TBC1D32: variants seen among roughly 807,000 people sequenced by gnomAD.
TBC1D32 encodes the protein protein broad-minded.
TBC1D32 carries 151 observed loss-of-function variants against 170.3 expected under a neutral mutation model. That is an observed-to-expected ratio of 0.89 (90% CI 0.78 to 1.01). The LOEUF (loss-of-function observed/expected upper bound fraction) is 1.01, where lower values mean the gene tolerates loss of function less well. TBC1D32 is among the 50% of genes least tolerant of loss of function. The pLI, the probability that TBC1D32 is intolerant of heterozygous loss-of-function variation, is 0.00. For missense variants in TBC1D32, 1,464 were observed against 1,457.1 expected (o/e 1.00, Z -0.08); for synonymous variants, 498 against 488.0 (o/e 1.02, Z -0.27).
At chr6:121,138,822 A>C (rs1246481370) in intron 24 of TBC1D32, among the ~76,000 whole-genome samples, 3 of 151,992 alleles carry the variant, frequency 2.0e-5, no homozygotes, top group African/African-American at 7.2e-5. Flanking sequence ...GTTATATTAC[A>C]CTTCATATAG....
intron 23 of TBC1D32, 77 bp from the exon 24 acceptor site, chr6:121,160,180 G>C: frequency 1.0e-6 from 1 of 994,460 alleles, no homozygotes; most frequent in Middle Eastern, 2.5e-4. Flanking sequence ...CTGAAATATT[G>C]TTAACTTAAA....
At chr6:121,325,220 A>G (rs1455822024) in intron 1 of TBC1D32, among the ~76,000 whole-genome samples, 2 of 151,926 alleles carry the variant, frequency 1.3e-5, no homozygotes, top group Admixed American at 1.3e-4. Context: ...TCAAAAAAAA[A>G]AAAAAAAAGC....
intron 25 of TBC1D32, among the ~76,000 whole-genome samples, chr6:121,129,236 A>G (rs1409335070): frequency 6.6e-6 from 1 of 152,210 alleles, no homozygotes; most frequent in Non-Finnish European, 1.5e-5. Flanking sequence ...GTACCCATAC[A>G]ACCATTCTGT....
chr6:121,304,442 C>T lies in TBC1D32; in HGVS notation c.874-16G>A, dbSNP rs899379738. 1 of 1,609,276 alleles carries T rather than the reference C, an allele frequency of 6.2e-7. No homozygotes were observed. Among genetic ancestry groups the T allele is most frequent in the African/African-American group, 1.3e-5 (1 of 74,482 alleles). ...GAAGACGAACCTACAAAGCAGTGCA[C>T]AATAGTTCTCAAAAAATTAGCATCC... On this transcript the variant is annotated splice_polypyrimidine_tract_variant and intron_variant, in intron 7 of 31. Coordinates refer to ENST00000398212, the MANE Select transcript of TBC1D32 (RefSeq NM_152730.6).
At chr6:121,216,733 G>A (rs957717592) in intron 21 of TBC1D32, among the ~76,000 whole-genome samples, 1 of 152,156 alleles carries the variant, frequency 6.6e-6, no homozygotes, top group Non-Finnish European at 1.5e-5. Context: ...AGTGAACAAA[G>A]TGATGAAAGA....
chr6:121,217,854 A>G (rs192192035), intron 21 of TBC1D32, among the ~76,000 whole-genome samples: 1 of 152,348 alleles, frequency 6.6e-6, no homozygotes, highest in East Asian at 1.9e-4. Context: ...TAGGGAGGCA[A>G]ATTCTATCAG....
chr6:121,196,952 A>G (rs1187254187), intron 22 of TBC1D32, among the ~76,000 whole-genome samples: 1 of 152,178 alleles, frequency 6.6e-6, no homozygotes, highest in South Asian at 2.1e-4. Flanking sequence ...TTCCCACAAG[A>G]TTACATTCTC....
intron 5 of TBC1D32, among the ~76,000 whole-genome samples, chr6:121,307,107 G>A (rs1807431942): frequency 6.6e-6 from 1 of 152,030 alleles, no homozygotes. Context: ...AGGCGTGGTG[G>A]CTCAAGCCTG....
intron 11 of TBC1D32, among the ~76,000 whole-genome samples, chr6:121,293,644 G>T (rs1402395957): frequency 6.6e-6 from 1 of 152,194 alleles, no homozygotes; most frequent in Admixed American, 6.5e-5. Context: ...GGGCGCGGTG[G>T]CTCATGCCTG....
intron 10 of TBC1D32, among the ~76,000 whole-genome samples, chr6:121,298,505 T>TCAG (rs940807250): frequency 3.3e-5 from 5 of 152,088 alleles, no homozygotes; most frequent in African/African-American, 1.2e-4. Context: ...TCTAGCAAGA[T>TCAG]CAGTCTATGC....
At chr6:121,268,198 C>A (rs1244211434) in intron 15 of TBC1D32, among the ~76,000 whole-genome samples, 1 of 152,192 alleles carries the variant, frequency 6.6e-6, no homozygotes, top group Non-Finnish European at 1.5e-5. Flanking sequence ...CAGAGCACTT[C>A]TTCTCCTCCA....
chr6:121,154,175 C>T lies in TBC1D32; in HGVS notation c.2773+5835G>A, dbSNP rs538146207. 1.1e-4 allele frequency among the ~76,000 whole-genome samples: 16 copies of T among 152,190 alleles called. No homozygotes were observed. The East Asian group carries it at 1.4e-3, about 13-fold the overall frequency. On this transcript the variant is annotated intron_variant, in intron 24 of 31. Coordinates refer to ENST00000398212, the MANE Select transcript of TBC1D32 (RefSeq NM_152730.6). ...TGGGTTGCGAAGATGGTGGGAAAAG[C>T]GTAGTACCTGGACTGGATAGCACCG... is the stretch of plus-strand genomic sequence containing the variant.
chr6:121,245,861 G>T (rs1204248311), intron 17 of TBC1D32, among the ~76,000 whole-genome samples: 2 of 152,102 alleles, frequency 1.3e-5, no homozygotes, highest in Non-Finnish European at 2.9e-5. Context: ...CACTGGAACA[G>T]TTGTGAGGCT....
chr6:121,171,382 C>T (rs1786977262), intron 22 of TBC1D32, among the ~76,000 whole-genome samples: 1 of 147,230 alleles, frequency 6.8e-6, no homozygotes, highest in Non-Finnish European at 1.5e-5. Flanking sequence ...TTCAAGCAAA[C>T]TTTAAAAGTG....
chr6:121,162,095 T>C (rs534062935), intron 22 of TBC1D32, among the ~76,000 whole-genome samples: 6 of 152,228 alleles, frequency 3.9e-5, no homozygotes, highest in African/African-American at 1.2e-4. Flanking sequence ...TGTTGTTAGA[T>C]CTTTGTCAGA....
At chr6:121,269,878 G>C (rs146187733) in intron 15 of TBC1D32, among the ~76,000 whole-genome samples, 4,962 of 151,826 alleles carry the variant, frequency 0.033, 195 homozygotes, top group East Asian at 0.12. Context: ...CACTCCTCAG[G>C]AAATGTAAAA....
intron 24 of TBC1D32, among the ~76,000 whole-genome samples, chr6:121,156,736 G>A (rs1004728292): frequency 2.7e-5 from 2 of 73,276 alleles, no homozygotes; most frequent in African/African-American, 5.3e-5. Context: ...TAGTTTCAAA[G>A]AAAGTTTTTA....
At chr6:121,147,601 A>AT (rs960199989) in intron 24 of TBC1D32, among the ~76,000 whole-genome samples, 7 of 150,014 alleles carry the variant, frequency 4.7e-5, no homozygotes, top group Admixed American at 1.3e-4. Context: ...TTATTTTTTT[A>AT]TTTTTTTTGA....
intron 31 of TBC1D32, among the ~76,000 whole-genome samples, chr6:121,083,862 C>T (rs1159300257): frequency 6.6e-6 from 1 of 152,012 alleles, no homozygotes; most frequent in Non-Finnish European, 1.5e-5. Context: ...ATTCTGAAAT[C>T]TGAACTTCTT....
Sources: gnomAD v4.1 joint callset for allele counts (sites outside exome capture counted in the v4.1 genomes callset) on GRCh38, gnomAD v4.1.1 for gene constraint, MANE v1.5 for transcripts, NCBI Gene and HGNC (gene_info 2026-07-23, HGNC 2026-07-21) for gene names.